NCK1: variants seen among roughly 807,000 people sequenced by gnomAD.
The protein encoded by NCK1 is SH2/SH3 adapter protein NCK1.
NCK1 carries 19 observed loss-of-function variants against 36.6 expected under a neutral mutation model. The observed-to-expected ratio is 0.52, with a 90% CI of 0.36 to 0.76. The LOEUF (loss-of-function observed/expected upper bound fraction) is 0.76. Among genes scored for constraint, NCK1 ranks in the 30% least tolerant of loss-of-function variants. The probability of loss-of-function intolerance (pLI) is 0.00; values close to 1 mark genes in which losing one functional copy is unlikely to be tolerated. For missense variants in NCK1, 358 were observed against 445.6 expected, an observed-to-expected ratio of 0.80 and a Z score of 1.77; for synonymous variants, 165 against 156.0, an observed-to-expected ratio of 1.06 and a Z score of -0.43.
chr3:136,879,184 G>C (rs1362278070), intron 1 of NCK1, among the ~76,000 whole-genome samples: 2 of 150,076 alleles, frequency 1.3e-5, no homozygotes, highest in South Asian at 2.1e-4. Context: ...TTAGAGTAAA[G>C]GAGTTCTTTC....
intron 1 of NCK1, among the ~76,000 whole-genome samples, chr3:136,926,430 A>G (rs1940240510): frequency 6.6e-6 from 1 of 151,628 alleles, no homozygotes; most frequent in Non-Finnish European, 1.5e-5. Context: ...ACCCGCCACC[A>G]CGCCTGTCTA....
chr3:136,871,587 C>T (rs1031774267), intron 1 of NCK1, among the ~76,000 whole-genome samples: 1 of 152,178 alleles, frequency 6.6e-6, no homozygotes, highest in South Asian at 2.1e-4. Context: ...GTCTCTTTCC[C>T]TCTCAAAGGT....
At chr3:136,864,072 G>A (rs568083650) in intron 1 of NCK1, among the ~76,000 whole-genome samples, 1 of 151,956 alleles carries the variant, frequency 6.6e-6, no homozygotes, top group East Asian at 2.0e-4. Context: ...CTGCACTCCA[G>A]CCTGGGCGAC....
chr3:136,931,853 C>G (rs1231750774), intron 2 of NCK1, among the ~76,000 whole-genome samples: 1 of 152,088 alleles, frequency 6.6e-6, no homozygotes, highest in African/African-American at 2.4e-5. Context: ...GGCGTGGCAG[C>G]TCAAGCCTGT....
chr3:136,920,258 A>T (rs556759272), intron 1 of NCK1, among the ~76,000 whole-genome samples: 175 of 151,132 alleles, frequency 1.2e-3, no homozygotes, highest in South Asian at 9.8e-3. Context: ...TTTTTTTTTA[A>T]AAAATAGTGT....
intron 1 of NCK1, among the ~76,000 whole-genome samples, chr3:136,865,146 C>T (rs1465165849): frequency 6.6e-6 from 1 of 152,016 alleles, no homozygotes; most frequent in Non-Finnish European, 1.5e-5. Context: ...TTAGTAGAGG[C>T]AGGGTTTCAC....
intron 1 of NCK1, among the ~76,000 whole-genome samples, chr3:136,887,064 G>A (rs937380655): frequency 3.9e-5 from 6 of 151,996 alleles, no homozygotes; most frequent in Non-Finnish European, 8.8e-5. Flanking sequence ...GGCTGGTCTC[G>A]AACTCCTGAC....
chr3:136,904,420 T>C lies in NCK1; in HGVS notation c.-18-23564T>C, dbSNP rs148185441. 2.4e-3 allele frequency among the ~76,000 whole-genome samples: 361 copies of C among 152,346 alleles called. 3 individuals carry two copies. The highest frequency in any genetic ancestry group is 4.2e-3 in the Non-Finnish European group (285 of 68,034). ...CACCTGCCTCAGCCTCCCAAAGTGC[T>C]AGGATTACAGGCGTGAGCCACCGTA... On this transcript the variant is annotated intron_variant, in intron 1 of 3. Transcript: ENST00000481752.
intron 1 of NCK1, among the ~76,000 whole-genome samples, chr3:136,889,910 A>G (rs192375375): frequency 6.6e-6 from 1 of 152,212 alleles, no homozygotes; most frequent in African/African-American, 2.4e-5. Flanking sequence ...CCAAGGCCCC[A>G]CCAGACTCAG....
At chr3:136,907,702 C>T (rs536244648) in intron 1 of NCK1, among the ~76,000 whole-genome samples, 1 of 152,278 alleles carries the variant, frequency 6.6e-6, no homozygotes, top group Admixed American at 6.5e-5. Context: ...CTATTTTGTT[C>T]CCTTTTCATG....
At chr3:136,919,230 GA>G (rs1356724493) in intron 1 of NCK1, among the ~76,000 whole-genome samples, 2 of 151,514 alleles carry the variant, frequency 1.3e-5, no homozygotes, top group African/African-American at 4.8e-5. Context: ...TTTTTTTCTT[GA>G]GGGGGAGTGA....
rs773648764 is a variant in NCK1 at position 136,927,981 on chromosome 3, C to T, written c.-18-3C>T. 6 of 1,570,744 alleles carry T rather than the reference C, an allele frequency of 3.8e-6. No individual in the cohort carries two copies. The South Asian group carries it at 6.7e-5, about 17-fold the overall frequency. ...CATAAAAATATTTTCCATGTGTTTA[C>T]AGTGCTGAAGCTGCTGAAAGATGGC... On this transcript the variant is annotated splice_polypyrimidine_tract_variant and splice_region_variant and intron_variant, in intron 1 of 3. Transcript: ENST00000481752.
intron 1 of NCK1, among the ~76,000 whole-genome samples, chr3:136,920,061 G>C (rs797002813): frequency 6.6e-6 from 1 of 152,162 alleles, no homozygotes; most frequent in South Asian, 2.1e-4. Flanking sequence ...AATGCAAAAA[G>C]ACAAGGCAAT....
At chr3:136,906,000 A>G (rs977732230) in intron 1 of NCK1, among the ~76,000 whole-genome samples, 8 of 151,994 alleles carry the variant, frequency 5.3e-5, no homozygotes, top group African/African-American at 1.9e-4. Context: ...TTGCTTTTTC[A>G]TGTTTCCTGT....
chr3:136,867,128 CT>C (rs1195421659), intron 1 of NCK1, among the ~76,000 whole-genome samples: 2 of 39,766 alleles, frequency 5.0e-5, no homozygotes, highest in African/African-American at 1.7e-4. Flanking sequence ...TTGTTTCTTT[CT>C]TTCCTTCCTT....
At chr3:136,878,036 C>T (rs1184497048) in intron 1 of NCK1, among the ~76,000 whole-genome samples, 1 of 152,134 alleles carries the variant, frequency 6.6e-6, no homozygotes, top group Non-Finnish European at 1.5e-5. Flanking sequence ...ACCTTGAAAG[C>T]ATTATGCTGT....
chr3:136,928,483 T>C, intron 2 of NCK1: 1 of 418,098 alleles, frequency 2.4e-6, no homozygotes, highest in South Asian at 4.1e-5. Context: ...TCTCACCTTC[T>C]AGCAGGGGCT....
chr3:136,899,468 G>A (rs766093032), intron 1 of NCK1: 42 of 324,024 alleles, frequency 1.3e-4, no homozygotes, highest in Non-Finnish European at 2.1e-4. Flanking sequence ...TCATAGAGGA[G>A]TCTTTGTCAT....
At chr3:136,942,340 T>G (rs528349606) in intron 2 of NCK1, among the ~76,000 whole-genome samples, 5 of 152,352 alleles carry the variant, frequency 3.3e-5, no homozygotes, top group African/African-American at 7.2e-5. Flanking sequence ...TGTGAGTGGT[T>G]GTTGTTTGCT....
Sources: allele counts gnomAD v4.1 joint callset (sites outside exome capture counted in the v4.1 genomes callset), GRCh38; gene constraint gnomAD v4.1.1; transcripts MANE v1.5; gene names NCBI Gene and HGNC (gene_info 2026-07-23, HGNC 2026-07-21).